The following WDR36 variants were observed in gnomAD, a reference collection of about 807,000 sequenced individuals.
WDR36 encodes WD repeat domain 36, also known as WD repeat-containing protein 36.
In WDR36, 63 loss-of-function variants were observed where a neutral mutation model predicts 112.7. The ratio of observed to expected loss-of-function variants is 0.56; its 90% CI spans 0.46 to 0.69. The LOEUF is 0.69. Ranked by LOEUF, WDR36 falls within the 30% of genes least tolerant of loss-of-function variation. The pLI is 0.00. For synonymous variants in WDR36, 410 were observed against 362.2 expected, an observed-to-expected ratio of 1.13 and a Z score of -1.50; for missense variants, 1,226 against 1,070.3, an observed-to-expected ratio of 1.15 and a Z score of -2.03.
In WDR36 at chr5:111,125,634, G is replaced by C; in HGVS notation, c.2377G>C (p.Glu793Gln). The C allele has an allele frequency of 6.2e-7, 1 of 1,613,712 alleles. No homozygotes were observed. Among genetic ancestry groups the C allele is most frequent in the Non-Finnish European group, 8.5e-7 (1 of 1,179,786 alleles). ...TGACACTGCTCTCAACCTTCTGAAA[G>C]AATCAGGCCCATCAGGAATTGAAAC... is the stretch of plus-strand genomic sequence containing the variant. ...KYDTALNLLK[E>Q]SGPSGIETEL... The change falls in exon 22 of 23, where the codon GAA becomes CAA. Residue 793 changes from glutamate to glutamine, a missense_variant. Glu to Gln is a conservative substitution (Grantham distance 29). Transcript: ENST00000513710.
chr5:111,119,071 G>A lies in WDR36; in HGVS notation c.1855G>A (p.Gly619Arg). 1 of 1,613,516 alleles carries A rather than the reference G, an allele frequency of 6.2e-7. No individual in the cohort carries two copies. Among genetic ancestry groups the A allele is most frequent in the South Asian group, 1.1e-5 (1 of 91,080 alleles). ...APLNVSMSPT[G>R]DFLATSHVDH... ...TCTCAATGTTTCTATGTCTCCTACT[G>A]GAGACTTTCTGGCAACTTCCCATGT... Residue 619 changes from glycine (G) to arginine (R), a missense_variant, in exon 17 of 23, where the codon GGA (glycine) becomes AGA (arginine). Gly to Arg is a moderately radical substitution (Grantham distance 125). Transcript: ENST00000513710.
In WDR36 at chr5:111,130,364, A is replaced by T. The variant is rs1372321464; in HGVS notation, c.*3481A>T. ...CATATAAGTGAAACTTAGCATTTCA[A>T]ACCTGTGTTGTTCAAAGATCATTTG... is the stretch of plus-strand genomic sequence containing the variant. On this transcript the variant is annotated 3_prime_UTR_variant, in exon 23 of 23. Transcript: ENST00000513710. 1 of 185,156 alleles carries T rather than the reference A, an allele frequency of 5.4e-6. No homozygotes were observed. The highest frequency in any genetic ancestry group is 2.3e-5 in the African/African-American group (1 of 42,624). 11.5% of individuals were successfully genotyped at this position (185,156 alleles called of 1,614,324 possible).
chr5:111,120,973 T>C (rs751087860), intron 18 of WDR36, 23 bp from the exon 19 acceptor site: 1 of 1,600,488 alleles, frequency 6.2e-7, no homozygotes, highest in East Asian at 2.2e-5. Flanking sequence ...AATCTTTTGT[T>C]TTACCTGAAA....
chr5:111,102,236 A>G (rs1753134108), intron 5 of WDR36, 109 bp from the exon 6 acceptor site: 1 of 821,776 alleles, frequency 1.2e-6, no homozygotes, highest in Non-Finnish European at 1.9e-6. Flanking sequence ...TGGAAGAGTA[A>G]GAACTTAATA....
chr5:111,111,045 T>C, intron 14 of WDR36, 92 bp downstream of exon 14: 1 of 1,557,902 alleles, frequency 6.4e-7, no homozygotes, highest in Non-Finnish European at 8.8e-7. Flanking sequence ...TCAGACTCTT[T>C]AATAAAGAAC....
At chr5:111,102,489 A>T in intron 6 of WDR36, 90 bp downstream of exon 6, 1 of 1,269,476 alleles carries the variant, frequency 7.9e-7, no homozygotes, top group Non-Finnish European at 1.1e-6. Flanking sequence ...AGACGTAAAG[A>T]CGAAACAATA....
intron 6 of WDR36, among the ~76,000 whole-genome samples, chr5:111,102,639 G>A (rs1331604582): frequency 6.6e-6 from 1 of 151,696 alleles, no homozygotes; most frequent in Non-Finnish European, 1.5e-5. Flanking sequence ...ATCTGTGGTT[G>A]CTATGGATCC....
chr5:111,123,152 T>C (rs1349805290), intron 19 of WDR36, among the ~76,000 whole-genome samples: 2 of 152,178 alleles, frequency 1.3e-5, no homozygotes, highest in African/African-American at 4.8e-5. Flanking sequence ...AGCAGTGTAC[T>C]TACCAAAACA....
At chr5:111,120,818 G>A (rs373157500) in intron 18 of WDR36, among the ~76,000 whole-genome samples, 178 bp from the exon 19 acceptor site, 1 of 152,080 alleles carries the variant, frequency 6.6e-6, no homozygotes, top group Admixed American at 6.6e-5. Flanking sequence ...GTCTAGTGAT[G>A]GGAGTTTTAG....
chr5:111,126,692 T>G (rs765987109), intron 22 of WDR36, 42 bp from the exon 23 acceptor site: 2 of 1,605,444 alleles, frequency 1.2e-6, no homozygotes, highest in South Asian at 1.1e-5. Context: ...AGGTAAAATT[T>G]TAATTTTCTT....
In WDR36 at chr5:111,126,835, C is replaced by G. The variant is rs79307023; in HGVS notation, c.2640C>G (p.Phe880Leu). The change falls in exon 23 of 23, where the codon TTC becomes TTG. Residue 880 changes from phenylalanine to leucine, a missense_variant. Transcript: ENST00000513710. ...EENWTHLQSL[F>L]NQSMCILNYL... ...ACTGGACCCATTTGCAATCACTCTT[C>G]AATCAAAGCATGTGTATTTTAAATT... 6 of 1,612,542 alleles carry G rather than the reference C, an allele frequency of 3.7e-6. No individual in the cohort carries two copies. In the East Asian group the frequency reaches 1.1e-4, roughly 30 times the overall value.
intron 1 of WDR36, among the ~76,000 whole-genome samples, chr5:111,092,831 A>C (rs1283780967): frequency 6.6e-6 from 1 of 152,272 alleles, no homozygotes; most frequent in South Asian, 2.1e-4. Context: ...CAGCCTGGCC[A>C]AGGGGAAACT....
Position 111,120,355 on chromosome 5 carries a change from C to T in WDR36, c.1905-141C>T, listed in dbSNP as rs116365613. ...ATGGCATCTATGACATAAGTCAAGGCGTTTTTAAATTGATAACAATCTATC... is the reference window on the plus strand; with the variant it reads ...ATGGCATCTATGACATAAGTCAAGGTGTTTTTAAATTGATAACAATCTATC... On this transcript the variant is annotated intron_variant, in intron 17 of 22. Coordinates refer to ENST00000513710, the MANE Select transcript of WDR36 (RefSeq NM_139281.3). 4.4e-4 allele frequency: 298 copies of T among 670,660 alleles called. 1 individual carries two copies. The highest frequency in any genetic ancestry group is 3.8e-3 in the African/African-American group (211 of 55,160). 41.5% of individuals were successfully genotyped at this position (670,660 alleles called of 1,614,324 possible).
At chr5:111,115,254 G>A (rs186695430) in intron 16 of WDR36, among the ~76,000 whole-genome samples, 92 of 152,256 alleles carry the variant, frequency 6.0e-4, no homozygotes, top group African/African-American at 2.2e-3. Context: ...ATTTGAAGTG[G>A]ACCAAATGAG....
intron 16 of WDR36, among the ~76,000 whole-genome samples, chr5:111,116,908 C>T (rs1006264078): frequency 6.6e-6 from 1 of 152,092 alleles, no homozygotes; most frequent in Admixed American, 6.6e-5. Context: ...GAAGTTTTAC[C>T]CTTCACGTAT....
chr5:111,104,863 G>A (rs1483184041), intron 9 of WDR36, 46 bp downstream of exon 9: 2 of 1,608,348 alleles, frequency 1.2e-6, no homozygotes, highest in Non-Finnish European at 8.5e-7. Flanking sequence ...CAAGTATTGA[G>A]ATGTGGGTGC....
intron 12 of WDR36, among the ~76,000 whole-genome samples, chr5:111,107,766 G>C (rs1169710846): frequency 1.3e-5 from 2 of 151,204 alleles, no homozygotes; most frequent in East Asian, 3.9e-4. Flanking sequence ...GAAAGATCTT[G>C]TTTCCTCTGC....
intron 2 of WDR36, 156 bp downstream of exon 2, chr5:111,095,103 C>T (rs1299526397): frequency 1.5e-6 from 1 of 685,414 alleles, no homozygotes; most frequent in East Asian, 2.8e-5. Flanking sequence ...CAGGATAAAT[C>T]ATGTTTTGCT....
At chr5:111,113,180 C>G in intron 16 of WDR36, 27 bp downstream of exon 16, 1 of 1,357,832 alleles carries the variant, frequency 7.4e-7, no homozygotes, top group South Asian at 1.2e-5. Flanking sequence ...AATTCCCTAA[C>G]CTCTATAAGA....
Sources: allele counts gnomAD v4.1 joint callset (sites outside exome capture counted in the v4.1 genomes callset), GRCh38; gene constraint gnomAD v4.1.1; transcripts MANE v1.5; gene names NCBI Gene and HGNC (gene_info 2026-07-23, HGNC 2026-07-21).